ACSM2A: variants seen among roughly 807,000 people sequenced by gnomAD.
ACSM2A encodes acyl-CoA synthetase medium chain family member 2A, also known as acyl-coenzyme A synthetase ACSM2A, mitochondrial.
In ACSM2A, 72 loss-of-function variants were observed where a neutral mutation model predicts 76.6. That is an observed-to-expected ratio of 0.94 (90% CI 0.78 to 1.14). The LOEUF is 1.14. Among genes scored for constraint, ACSM2A ranks in the 50% most tolerant of loss-of-function variants. ACSM2A has a pLI of 0.00. For synonymous variants in ACSM2A, 249 were observed against 255.9 expected, an observed-to-expected ratio of 0.97 and a Z score of 0.26; for missense variants, 684 against 708.5, an observed-to-expected ratio of 0.97 and a Z score of 0.39.
At chr16:20,463,295 G>C (rs1451558835) in intron 2 of ACSM2A, among the ~76,000 whole-genome samples, 1 of 151,810 alleles carries the variant, frequency 6.6e-6, no homozygotes, top group Non-Finnish European at 1.5e-5. Context: ...ATTTTTCAAT[G>C]TGAGAAGGAC....
intron 12 of ACSM2A, chr16:20,482,016 T>A (rs1367233569): frequency 7.4e-6 from 1 of 134,722 alleles, no homozygotes; most frequent in East Asian, 2.0e-4. Flanking sequence ...GCATCTGTAA[T>A]CCCAGCTACT....
intron 1 of ACSM2A, among the ~76,000 whole-genome samples, chr16:20,456,750 A>G (rs2012179924): frequency 6.7e-6 from 1 of 149,490 alleles, no homozygotes; most frequent in Non-Finnish European, 1.5e-5. Flanking sequence ...GAACTAGACA[A>G]ACAAGAACAA....
chr16:20,473,663 C>G (rs1444952242), intron 6 of ACSM2A, among the ~76,000 whole-genome samples: 3 of 152,072 alleles, frequency 2.0e-5, no homozygotes, highest in African/African-American at 7.2e-5. Flanking sequence ...AAATAAAATC[C>G]TAAGGCCCCA....
intron 1 of ACSM2A, among the ~76,000 whole-genome samples, chr16:20,452,628 A>G (rs989977837): frequency 7.3e-6 from 1 of 136,532 alleles, no homozygotes; most frequent in Admixed American, 7.3e-5. Context: ...ATATTCCATT[A>G]GTTCTGTTTC....
At chr16:20,465,806 T>G in intron 3 of ACSM2A, 79 bp downstream of exon 3, 1 of 1,529,552 alleles carries the variant, frequency 6.5e-7, no homozygotes, top group Admixed American at 2.0e-5. Context: ...GCCACCTCTC[T>G]CAAAAGAAGT....
chr16:20,475,764 G>T lies in ACSM2A; in HGVS notation c.1089G>T (p.Gln363His), dbSNP rs371399781. The T allele has an allele frequency of 1.2e-6, 2 of 1,613,950 alleles. No individual in the cohort carries two copies. The highest frequency in any genetic ancestry group is 1.3e-5 in the African/African-American group (1 of 75,044). The change falls in exon 8 of 14, where the codon CAG (glutamine) becomes CAT (histidine). Residue 363 changes from glutamine to histidine, a missense_variant. Gln to His is a conservative substitution (Grantham distance 24). Around this residue, in one of 3 missense-constraint regions of ACSM2A, gnomAD observed 519 missense variants for 549.5 expected, o/e 0.94. Transcript: ENST00000573854. ...TGLDIRESYG[Q>H]TETGLTCMVS... ...TGGACATCCGAGAATCCTATGGCCA[G>T]ACAGAAACGGTACCTGTTCCCAGGG... is the stretch of plus-strand genomic sequence containing the variant.
intron 13 of ACSM2A, among the ~76,000 whole-genome samples, chr16:20,485,473 C>CT (rs1471168369): frequency 7.2e-5 from 11 of 152,226 alleles, no homozygotes; most frequent in African/African-American, 2.7e-4. Flanking sequence ...CATCCACTCT[C>CT]TATCTACCCT....
chr16:20,470,491 G>C (rs1252328597), intron 4 of ACSM2A, among the ~76,000 whole-genome samples: 1 of 152,146 alleles, frequency 6.6e-6, no homozygotes, highest in Non-Finnish European at 1.5e-5. Flanking sequence ...AACTTGAAGG[G>C]ATAACTTCAG....
intron 3 of ACSM2A, among the ~76,000 whole-genome samples, chr16:20,469,283 A>G (rs2013216466): frequency 6.6e-6 from 1 of 152,140 alleles, no homozygotes; most frequent in Non-Finnish European, 1.5e-5. Context: ...TAGCAATTCA[A>G]TTTCTTTTCT....
At chr16:20,475,883 A>G (rs2013711410) in intron 8 of ACSM2A, 110 bp downstream of exon 8, 2 of 1,552,398 alleles carry the variant, frequency 1.3e-6, no homozygotes, top group Non-Finnish European at 1.7e-6. Flanking sequence ...TTCGAGAAGT[A>G]TTTATTGAGC....
intron 2 of ACSM2A, among the ~76,000 whole-genome samples, chr16:20,465,190 C>A (rs993966322): frequency 1.3e-5 from 2 of 152,096 alleles, no homozygotes; most frequent in Non-Finnish European, 2.9e-5. Flanking sequence ...AATAATGCCA[C>A]TTTCCTCATT....
rs780078331 is a variant in ACSM2A, at chr16:20,465,696, G to A, written c.357G>A (p.Trp119Ter). Residue 119 changes from tryptophan (W) to a stop codon, truncating the protein, a stop_gained, in exon 3 of 14, where the codon TGG becomes TGA. Transcript: ENST00000573854. LOFTEE classifies it high-confidence loss of function. ...VAVVLPRVPE[W>*]WLVILGCIRA... ...TGGTGCTGCCCCGAGTGCCTGAGTG[G>A]TGGCTGGTGATCCTGGGCTGCATTC... The A allele has an allele frequency of 2.5e-6, 4 of 1,613,980 alleles. No homozygotes were observed. The highest frequency in any genetic ancestry group is 3.4e-6 in the Non-Finnish European group (4 of 1,179,852).
chr16:20,469,803 A>C, intron 4 of ACSM2A, 84 bp downstream of exon 4: 6 of 1,534,840 alleles, frequency 3.9e-6, no homozygotes, highest in Non-Finnish European at 5.3e-6. Context: ...TTTATTGAGG[A>C]GGTGCAGAAA....
chr16:20,468,350 G>T (rs1434653840), intron 3 of ACSM2A, among the ~76,000 whole-genome samples: 1 of 152,186 alleles, frequency 6.6e-6, no homozygotes, highest in Non-Finnish European at 1.5e-5. Context: ...AACCTGTGTA[G>T]TTATTCTGTT....
At chr16:20,455,107 A>G (rs1275201238) in intron 1 of ACSM2A, among the ~76,000 whole-genome samples, 3 of 148,720 alleles carry the variant, frequency 2.0e-5, no homozygotes, top group African/African-American at 7.5e-5. Context: ...AAAGAAAAAA[A>G]AAATTTTCAA....
At chr16:20,461,386 T>C (rs1193037674) in intron 2 of ACSM2A, among the ~76,000 whole-genome samples, 1 of 152,186 alleles carries the variant, frequency 6.6e-6, no homozygotes, top group Non-Finnish European at 1.5e-5. Flanking sequence ...TTCCTTTAAA[T>C]ATTGAGGAAG....
chr16:20,471,145 G>A lies in ACSM2A; in HGVS notation c.669G>A (p.Gly223=), dbSNP rs1186346333. 6.2e-7 allele frequency: 1 copy of A among 1,613,480 alleles called. No homozygotes were observed. Among genetic ancestry groups the A allele is most frequent in the South Asian group, 1.1e-5 (1 of 91,042 alleles). ...CATCTGCCATCTACTTCACTAGTGG[G>A]ACCAGTGGTCTTCCCAAGATGGCAG... The part of the protein sequence containing the change: ...QEASAIYFTS[G]TSGLPKMAEH... Residue 223 remains glycine (G), a synonymous_variant, in exon 5 of 14, where the codon GGG becomes GGA. Transcript: ENST00000573854.
intron 2 of ACSM2A, among the ~76,000 whole-genome samples, chr16:20,461,785 C>T (rs1297548679): frequency 6.6e-6 from 1 of 152,104 alleles, no homozygotes; most frequent in Non-Finnish European, 1.5e-5. Flanking sequence ...TAGTCAAATA[C>T]AAAAGGTTGT....
At chr16:20,454,947 G>A (rs1405594703) in intron 1 of ACSM2A, among the ~76,000 whole-genome samples, 1 of 150,814 alleles carries the variant, frequency 6.6e-6, no homozygotes, top group African/African-American at 2.4e-5. Context: ...CAGTGAAATA[G>A]ATAGCATACA....
Sources: gnomAD v4.1 joint callset for allele counts (sites outside exome capture counted in the v4.1 genomes callset) on GRCh38, gnomAD v4.1.1 for gene constraint, gnomAD v4.1.1 regional missense constraint, MANE v1.5 for transcripts, NCBI Gene and HGNC (gene_info 2026-07-23, HGNC 2026-07-21) for gene names.